ULK4: variants seen among roughly 807,000 people sequenced by gnomAD.
ULK4 encodes the protein unc-51 like kinase 4, also known as inactive serine/threonine-protein kinase ULK4.
In ULK4, 133 loss-of-function variants were observed where a neutral mutation model predicts 160.6. The ratio of observed to expected loss-of-function variants is 0.83; its 90% CI spans 0.72 to 0.96. The LOEUF (loss-of-function observed/expected upper bound fraction) is 0.96. Among genes scored for constraint, ULK4 ranks in the 40% least tolerant of loss-of-function variants. ULK4 has a pLI of 0.00. For missense variants in ULK4, 1,580 were observed against 1,499.5 expected, an observed-to-expected ratio of 1.05 and a Z score of -0.89; for synonymous variants, 534 against 539.8, an observed-to-expected ratio of 0.99 and a Z score of 0.15.
chr3:41,440,533 T>C (rs1226197199), intron 34 of ULK4, among the ~76,000 whole-genome samples: 1 of 152,182 alleles, frequency 6.6e-6, no homozygotes, highest in Non-Finnish European at 1.5e-5. Flanking sequence ...ATATTTATTC[T>C]TTCAATATAT....
At chr3:41,286,602 G>C (rs372769244) in intron 35 of ULK4, among the ~76,000 whole-genome samples, 1 of 152,160 alleles carries the variant, frequency 6.6e-6, no homozygotes, top group African/African-American at 2.4e-5. Context: ...GGCCCCGCCA[G>C]CACCCTAAAC....
rs564964983 is a variant in ULK4 at position 41,286,898 on chromosome 3, C to A, written c.3679-37324G>T. On this transcript the variant is annotated intron_variant, in intron 35 of 36. Coordinates refer to ENST00000301831, the MANE Select transcript of ULK4 (RefSeq NM_017886.4). ...AGGTTAAACCACTGTCAAGTGGTGT[C>A]TGTCATCTTAACTCAACTGCACTTA... Among the ~76,000 whole-genome samples, 5 of 152,320 alleles carry A rather than the reference C, an allele frequency of 3.3e-5. 1 individual carries two copies. The East Asian group carries it at 7.7e-4, about 24-fold the overall frequency.
At chr3:41,258,342 T>G (rs751505242) in intron 35 of ULK4, 4 of 151,948 alleles carry the variant, frequency 2.6e-5, no homozygotes, top group Non-Finnish European at 4.4e-5. Context: ...GAAGTAGGAG[T>G]CAAAGTGACC....
chr3:41,942,380 A>G (rs1282817358), intron 2 of ULK4, among the ~76,000 whole-genome samples: 4 of 152,004 alleles, frequency 2.6e-5, no homozygotes. Context: ...TTAGGCAGGC[A>G]TGGTGGTGCA....
At chr3:41,918,406 T>C in intron 7 of ULK4, 51 bp downstream of exon 7, 1 of 1,312,634 alleles carries the variant, frequency 7.6e-7, no homozygotes. Context: ...AAGGTACACC[T>C]TTAATCAGTG....
chr3:41,732,440 T>C (rs867803858), intron 22 of ULK4, among the ~76,000 whole-genome samples: 1 of 152,190 alleles, frequency 6.6e-6, no homozygotes, highest in Middle Eastern at 3.4e-3. Flanking sequence ...TTAGAGTGGC[T>C]ATTAACAAAA....
chr3:41,323,355 G>GA (rs1344115687), intron 35 of ULK4, among the ~76,000 whole-genome samples: 1 of 126,814 alleles, frequency 7.9e-6, no homozygotes, highest in African/African-American at 2.9e-5. Context: ...GAAGGGGAAG[G>GA]AAAAAAAATT....
intron 18 of ULK4, among the ~76,000 whole-genome samples, chr3:41,822,971 C>G (rs1375277254): frequency 6.6e-6 from 1 of 152,046 alleles, no homozygotes; most frequent in Non-Finnish European, 1.5e-5. Flanking sequence ...ATCCACCTGC[C>G]TCAGCCTCCC....
At chr3:41,774,489 C>T (rs1284664978) in intron 21 of ULK4, among the ~76,000 whole-genome samples, 4 of 149,472 alleles carry the variant, frequency 2.7e-5, no homozygotes, top group Admixed American at 6.6e-5. Flanking sequence ...TCATCACTGG[C>T]CATCAGAGAA....
At chr3:41,483,775 G>A (rs1166385549) in intron 32 of ULK4, among the ~76,000 whole-genome samples, 1 of 152,150 alleles carries the variant, frequency 6.6e-6, no homozygotes, top group Non-Finnish European at 1.5e-5. Flanking sequence ...GCATTTTCCT[G>A]TAATATCCAA....
At chr3:41,601,031 A>G (rs1043288813) in intron 31 of ULK4, among the ~76,000 whole-genome samples, 58 of 151,882 alleles carry the variant, frequency 3.8e-4, no homozygotes, top group African/African-American at 1.4e-3. Context: ...AAAAACGAAT[A>G]AGATGTTTTA....
chr3:41,500,280 C>T (rs1422680561), intron 32 of ULK4, among the ~76,000 whole-genome samples: 1 of 139,884 alleles, frequency 7.1e-6, no homozygotes, highest in Non-Finnish European at 1.5e-5. Flanking sequence ...TTCATCTTAT[C>T]TTTTTTTTTT....
At position 41,267,718 on chromosome 3, in the gene ULK4, C is replaced by T. The variant is rs577961673; in HGVS notation, c.3679-18144G>A. Among the ~76,000 whole-genome samples the T allele has an allele frequency of 7.9e-5, 12 of 152,258 alleles. No individual in the cohort carries two copies. The South Asian group carries it at 1.5e-3, about 18-fold the overall frequency. On this transcript the variant is annotated intron_variant, in intron 35 of 36. Coordinates refer to ENST00000301831, the MANE Select transcript of ULK4 (RefSeq NM_017886.4). Reference sequence around the variant, plus strand: ...TTTGACATCAGCCACAGTGAAAAGTCCTTAACATGCACTCCTCCTGTCCAC... The same window carrying T: ...TTTGACATCAGCCACAGTGAAAAGTTCTTAACATGCACTCCTCCTGTCCAC...
At chr3:41,441,250 C>A (rs2083160858) in intron 34 of ULK4, among the ~76,000 whole-genome samples, 2 of 152,012 alleles carry the variant, frequency 1.3e-5, no homozygotes, top group South Asian at 4.1e-4. Context: ...TGATTTGAGA[C>A]CTTTCCCAAA....
At chr3:41,842,553 G>A (rs113949398) in intron 17 of ULK4, among the ~76,000 whole-genome samples, 8,861 of 152,100 alleles carry the variant, frequency 0.058, 818 homozygotes, top group African/African-American at 0.2. Flanking sequence ...CTCACTCTTA[G>A]TTCTCAGGAG....
At position 41,960,432 on chromosome 3, in the gene ULK4, G is replaced by T. The variant is rs557270392; in HGVS notation, c.-49+1584C>A. 6.8e-4 allele frequency among the ~76,000 whole-genome samples: 103 copies of T among 151,122 alleles called. 1 individual carries two copies. Among genetic ancestry groups the T allele is most frequent in the African/African-American group, 2.4e-3 (97 of 41,076 alleles). ...GGCTGGTGTGCAGGGGCAAGATCTA[G>T]GCTCACTGCAACCTCCACCTCCAGG... On this transcript the variant is annotated intron_variant, in intron 1 of 36. Transcript: ENST00000301831.
At chr3:41,834,226 G>T (rs1483618612) in intron 18 of ULK4, among the ~76,000 whole-genome samples, 1 of 151,738 alleles carries the variant, frequency 6.6e-6, no homozygotes, top group Non-Finnish European at 1.5e-5. Context: ...TTCAACCAAA[G>T]AAAGATGTAC....
chr3:41,905,332 A>C (rs1698514655), intron 12 of ULK4, among the ~76,000 whole-genome samples: 1 of 152,224 alleles, frequency 6.6e-6, no homozygotes, highest in African/African-American at 2.4e-5. Context: ...AAATTAACTC[A>C]AATGGATAAA....
At chr3:41,405,736 T>C (rs1456463953) in intron 34 of ULK4, among the ~76,000 whole-genome samples, 1 of 152,208 alleles carries the variant, frequency 6.6e-6, no homozygotes, top group Admixed American at 6.5e-5. Context: ...GTGGAGCACT[T>C]TTTCATATGC....
Sources: allele counts gnomAD v4.1 joint callset (sites outside exome capture counted in the v4.1 genomes callset), GRCh38; gene constraint gnomAD v4.1.1; transcripts MANE v1.5; gene names NCBI Gene and HGNC (gene_info 2026-07-23, HGNC 2026-07-21).